The following IQCE variants were observed in gnomAD, a reference collection of about 807,000 sequenced individuals.
IQCE encodes IQ motif containing E, also known as IQ domain-containing protein E.
In IQCE, 115 loss-of-function variants were observed where a neutral mutation model predicts 96.0. The observed-to-expected ratio is 1.20, with a 90% CI of 1.03 to 1.40. The LOEUF (loss-of-function observed/expected upper bound fraction) is 1.40, where lower values mean the gene tolerates loss of function less well. IQCE is among the 40% of genes most tolerant of loss of function. The pLI is 0.00. For missense variants in IQCE, 1,041 were observed against 909.1 expected (o/e 1.15, Z -1.87); for synonymous variants, 412 against 371.2 (o/e 1.11, Z -1.26).
intron 20 of IQCE, among the ~76,000 whole-genome samples, chr7:2,606,707 T>TGCA (rs1203271551): frequency 6.6e-6 from 1 of 152,156 alleles, no homozygotes; most frequent in Non-Finnish European, 1.5e-5. Flanking sequence ...CCATGTGACC[T>TGCA]GGGACACACT....
At position 2,612,748 on chromosome 7, in the gene IQCE, G is replaced by C. The variant is rs147203738; in HGVS notation, c.*2586G>C. ...CTGTGGGCGGGGCCTAGTCATGGGA[G>C]GGGTGAGCTGTGGATGGGGCCTAGC... On this transcript the variant is annotated 3_prime_UTR_variant, in exon 22 of 22. Transcript: ENST00000402050. The C allele has an allele frequency of 2.0e-5, 3 of 153,142 alleles. No homozygotes were observed. The highest frequency in any genetic ancestry group is 7.3e-5 in the African/African-American group (3 of 41,164). The allele number at this position is 153,142 out of a possible 1,614,324, so 9.5% of individuals were successfully genotyped here. A position where few individuals can be genotyped will look rare whatever the true frequency, so the allele number is the denominator to read the frequency against.
chr7:2,605,137 G>A (rs951501084), intron 19 of IQCE, 146 bp downstream of exon 19: 108 of 618,704 alleles, frequency 1.7e-4, no homozygotes, highest in Non-Finnish European at 1.2e-4. Flanking sequence ...CCCTGGCCAC[G>A]CAGGCCATGC....
intron 16 of IQCE, 45 bp downstream of exon 16, chr7:2,595,021 C>T: frequency 7.3e-7 from 1 of 1,377,862 alleles, no homozygotes; most frequent in Non-Finnish European, 1.0e-6. Context: ...TGCGGTGAGA[C>T]TTTGGTCGTG....
intron 13 of IQCE, among the ~76,000 whole-genome samples, chr7:2,589,444 C>T (rs533809283): frequency 2.6e-4 from 39 of 152,230 alleles, no homozygotes; most frequent in African/African-American, 7.0e-4. Flanking sequence ...AGAGGTGGTT[C>T]GGAAGCACAG....
intron 10 of IQCE, 89 bp downstream of exon 10, chr7:2,583,798 A>T: frequency 2.0e-5 from 1 of 49,048 alleles, no homozygotes; most frequent in Non-Finnish European, 3.8e-5. Context: ...GGCGGGGCGG[A>T]GGGCGGGCAC....
At chr7:2,604,223 A>T (rs986654328) in intron 18 of IQCE, among the ~76,000 whole-genome samples, 4 of 152,124 alleles carry the variant, frequency 2.6e-5, no homozygotes, top group African/African-American at 4.8e-5. Flanking sequence ...CCTGGGCTCA[A>T]TGGATCTTCC....
chr7:2,605,352 G>T (rs1291849638), intron 19 of IQCE, among the ~76,000 whole-genome samples: 4 of 152,192 alleles, frequency 2.6e-5, no homozygotes, highest in Non-Finnish European at 5.9e-5. Flanking sequence ...CGGGCGCGGT[G>T]GCTCACACCT....
At chr7:2,576,462 G>C (rs908518032) in intron 6 of IQCE, among the ~76,000 whole-genome samples, 1 of 151,924 alleles carries the variant, frequency 6.6e-6, no homozygotes, top group Non-Finnish European at 1.5e-5. Flanking sequence ...CTAGGCTGGA[G>C]TGTAGTGGTG....
rs1330666186 is a variant in IQCE, at chr7:2,614,191, A to G, written c.*4029A>G. On this transcript the variant is annotated 3_prime_UTR_variant, in exon 22 of 22. Coordinates refer to ENST00000402050, the MANE Select transcript of IQCE (RefSeq NM_152558.5). ...AGCTCAGATCCACCAAGATAAGCACAGCAAAGCTTGGCTGCATTTTTGAGG... is the reference window on the plus strand; with the variant it reads ...AGCTCAGATCCACCAAGATAAGCACGGCAAAGCTTGGCTGCATTTTTGAGG... The G allele has an allele frequency of 6.6e-6, 1 of 152,278 alleles. No homozygotes were observed. The highest frequency in any genetic ancestry group is 1.5e-5 in the Non-Finnish European group (1 of 68,056). 9.4% of individuals were successfully genotyped at this position (152,278 alleles called of 1,614,324 possible). A position where few individuals can be genotyped will look rare whatever the true frequency, so the allele number is the denominator to read the frequency against.
In IQCE at chr7:2,611,100, C is replaced by G. The variant is rs1785082397; in HGVS notation, c.*938C>G. ...CCCCATGTGTGCGGCCTCTGCACTCCCAAGCTCCATGGCTGGGCTGGGCTG... is the reference window on the plus strand; with the variant it reads ...CCCCATGTGTGCGGCCTCTGCACTCGCAAGCTCCATGGCTGGGCTGGGCTG... On this transcript the variant is annotated 3_prime_UTR_variant, in exon 22 of 22. Coordinates refer to ENST00000402050, the MANE Select transcript of IQCE (RefSeq NM_152558.5). 1 of 85,266 alleles carries G rather than the reference C, an allele frequency of 1.2e-5. No homozygotes were observed. Among genetic ancestry groups the G allele is most frequent in the Non-Finnish European group, 2.4e-5 (1 of 41,090 alleles). 5.3% of individuals were successfully genotyped at this position (85,266 alleles called of 1,614,324 possible).
intron 15 of IQCE, among the ~76,000 whole-genome samples, chr7:2,593,711 T>G (rs1193316329): frequency 6.6e-6 from 1 of 152,180 alleles, no homozygotes; most frequent in Non-Finnish European, 1.5e-5. Context: ...GTGCTGCTGC[T>G]AGGGGCTGGG....
intron 8 of IQCE, among the ~76,000 whole-genome samples, chr7:2,581,373 T>C (rs1262666267): frequency 6.6e-6 from 1 of 151,866 alleles, no homozygotes; most frequent in East Asian, 2.0e-4. Context: ...GCCCGGCTAC[T>C]TTTTGTATTT....
In IQCE at chr7:2,572,254, G is replaced by T; in HGVS notation, c.322G>T (p.Gly108Cys). 6.2e-7 allele frequency: 1 copy of T among 1,614,106 alleles called. No individual in the cohort carries two copies. Among genetic ancestry groups the T allele is most frequent in the Non-Finnish European group, 8.5e-7 (1 of 1,179,946 alleles). Reference sequence around the variant, plus strand: ...GGAGCATGCGTGGACTGGCGTCCCCGGCGGCACTCCTGACTGTCTGACAGA... The same window carrying T: ...GGAGCATGCGTGGACTGGCGTCCCCTGCGGCACTCCTGACTGTCTGACAGA... ...TWEHAWTGVP[G>C]GTPDCLTDTF... The change falls in exon 5 of 22, where the codon GGC becomes TGC. Residue 108 changes from glycine to cysteine, a missense_variant. Coordinates refer to ENST00000402050, the MANE Select transcript of IQCE (RefSeq NM_152558.5).
intron 17 of IQCE, 21 bp downstream of exon 17, chr7:2,598,653 C>T: frequency 1.3e-6 from 2 of 1,486,042 alleles, no homozygotes; most frequent in Non-Finnish European, 1.8e-6. Flanking sequence ...CCGGGGCGAC[C>T]CGGGCTGCTC....
intron 2 of IQCE, among the ~76,000 whole-genome samples, chr7:2,567,915 C>T (rs1214542983): frequency 1.3e-5 from 2 of 152,116 alleles, no homozygotes; most frequent in Admixed American, 6.5e-5. Context: ...TGATGTTCCC[C>T]GGAGGAGGAG....
intron 3 of IQCE, among the ~76,000 whole-genome samples, chr7:2,570,566 C>T (rs1427552504): frequency 6.6e-6 from 1 of 151,864 alleles, no homozygotes; most frequent in Non-Finnish European, 1.5e-5. Context: ...AATTGTGAAA[C>T]CGCGGGAAAA....
intron 1 of IQCE, among the ~76,000 whole-genome samples, chr7:2,562,968 G>A (rs755133403): frequency 2.0e-5 from 3 of 151,478 alleles, no homozygotes; most frequent in Non-Finnish European, 2.9e-5. Context: ...CTCTGTTGTC[G>A]ATGCTAGAGA....
rs1029813337 is a variant in IQCE at position 2,614,292 on chromosome 7, C to T, written c.*4130C>T. ...CTATTATAACCCGTCTAAACGATTG[C>T]AAAATTCCTCCTTTGGTTTTGGAAG... On this transcript the variant is annotated 3_prime_UTR_variant, in exon 22 of 22. Coordinates refer to ENST00000402050, the MANE Select transcript of IQCE (RefSeq NM_152558.5). 6.6e-6 allele frequency: 1 copy of T among 152,216 alleles called. No individual in the cohort carries two copies. The highest frequency in any genetic ancestry group is 1.5e-5 in the Non-Finnish European group (1 of 68,046). The allele number at this position is 152,216 out of a possible 1,614,324, so 9.4% of individuals were successfully genotyped here.
intron 15 of IQCE, 97 bp from the exon 16 acceptor site, chr7:2,594,789 C>A (rs1181202901): frequency 3.6e-6 from 3 of 837,462 alleles, no homozygotes; most frequent in African/African-American, 3.3e-5. Context: ...TGGTGTCCCC[C>A]TGTCTCCGCC....
Sources: allele counts gnomAD v4.1 joint callset (sites outside exome capture counted in the v4.1 genomes callset), GRCh38; gene constraint gnomAD v4.1.1; transcripts MANE v1.5; gene names NCBI Gene and HGNC (gene_info 2026-07-23, HGNC 2026-07-21).